Variants in SORCS2 observed in about 807,000 individuals in gnomAD.
SORCS2 encodes the protein VPS10 domain-containing receptor SorCS2.
Under a neutral mutation model 141.6 loss-of-function variants are expected in SORCS2, and 100 were observed. The observed-to-expected ratio is 0.71, with a 90% CI of 0.60 to 0.83. The LOEUF is 0.83. SORCS2 is among the 40% of genes least tolerant of loss of function. The pLI, the probability that SORCS2 is intolerant of heterozygous loss-of-function variation, is 0.00. For missense variants in SORCS2, 1,646 were observed against 1,560.2 expected, an observed-to-expected ratio of 1.05 and a Z score of -0.93; for synonymous variants, 789 against 676.9, an observed-to-expected ratio of 1.17 and a Z score of -2.57.
chr4:7,521,495 C>T (rs536250227), intron 2 of SORCS2, among the ~76,000 whole-genome samples: 6 of 152,212 alleles, frequency 3.9e-5, no homozygotes, highest in Non-Finnish European at 5.9e-5. Context: ...CCTTAGTTCC[C>T]TCTTCCTCTC....
At chr4:7,539,293 G>A (rs1712376972) in intron 3 of SORCS2, among the ~76,000 whole-genome samples, 1 of 152,170 alleles carries the variant, frequency 6.6e-6, no homozygotes, top group Admixed American at 6.5e-5. Context: ...AAGTTCTCTG[G>A]ACCTCATAGT....
In SORCS2 at chr4:7,459,079, G is replaced by A. The variant is rs138482608; in HGVS notation, c.548+62724G>A. On this transcript the variant is annotated intron_variant, in intron 2 of 26. Coordinates refer to ENST00000507866, the MANE Select transcript of SORCS2 (RefSeq NM_020777.3). ...GTCCTCCCCGATATTGCTCCCCTGG[G>A]CTGGGGGCACACTCTTCTGTGTGCG... Among the ~76,000 whole-genome samples, 604 of 150,146 alleles carry A rather than the reference G, an allele frequency of 4.0e-3. 3 individuals are homozygous for A. Among genetic ancestry groups the A allele is most frequent in the Admixed American group, 5.3e-3 (79 of 14,932 alleles).
intron 2 of SORCS2, among the ~76,000 whole-genome samples, chr4:7,492,633 A>G (rs1042055950): frequency 2.6e-5 from 4 of 152,234 alleles, no homozygotes; most frequent in African/African-American, 9.7e-5. Flanking sequence ...ACTATTTTCC[A>G]CAGTGGCTGT....
At chr4:7,726,049 TG>T (rs1727197635) in intron 20 of SORCS2, among the ~76,000 whole-genome samples, 1 of 152,176 alleles carries the variant, frequency 6.6e-6, no homozygotes, top group Admixed American at 6.5e-5. Flanking sequence ...TCCACACCCA[TG>T]GGGGTGGCCT....
At chr4:7,562,901 G>T (rs536139325) in intron 3 of SORCS2, among the ~76,000 whole-genome samples, 3 of 152,268 alleles carry the variant, frequency 2.0e-5, no homozygotes, top group African/African-American at 7.2e-5. Context: ...TGGATTTAGG[G>T]TCTAGCCTAT....
intron 2 of SORCS2, among the ~76,000 whole-genome samples, chr4:7,412,612 C>T (rs544868803): frequency 3.6e-4 from 55 of 152,186 alleles, no homozygotes; most frequent in Admixed American, 7.8e-4. Context: ...AGCTGAGAAT[C>T]GTCTCTCAGG....
rs545089902 is a variant in SORCS2 at position 7,575,649 on chromosome 4, C to T, written c.648+44020C>T. ...AATTGAAACTAGAATGGTAGTACCC[C>T]AGTCACACTTTGAAGGCTTGATGAC... On this transcript the variant is annotated intron_variant, in intron 3 of 26. Transcript: ENST00000507866. Among the ~76,000 whole-genome samples, 16 of 152,304 alleles carry T rather than the reference C, an allele frequency of 1.1e-4. No individual in the cohort carries two copies. In the South Asian group the frequency reaches 2.1e-3, roughly 20 times the overall value.
intron 2 of SORCS2, among the ~76,000 whole-genome samples, chr4:7,454,857 G>T (rs1728768844): frequency 1.4e-5 from 2 of 139,308 alleles, no homozygotes; most frequent in African/African-American, 5.4e-5. Flanking sequence ...CAGGTGCTGT[G>T]TTGGGGTCAG....
At chr4:7,209,645 G>C (rs569212337) in intron 1 of SORCS2, among the ~76,000 whole-genome samples, 4 of 151,898 alleles carry the variant, frequency 2.6e-5, no homozygotes, top group African/African-American at 9.7e-5. Flanking sequence ...AAGTGCAGGT[G>C]CTGATCTTTG....
At chr4:7,427,960 A>T (rs1007089021) in intron 2 of SORCS2, among the ~76,000 whole-genome samples, 1 of 151,372 alleles carries the variant, frequency 6.6e-6, no homozygotes, top group African/African-American at 2.4e-5. Context: ...GGGGGGATGG[A>T]GGTTGCACTG....
chr4:7,550,158 G>A (rs1489961575), intron 3 of SORCS2, among the ~76,000 whole-genome samples: 11 of 114,244 alleles, frequency 9.6e-5, no homozygotes, highest in African/African-American at 3.2e-4. Flanking sequence ...GTGTGTGTGT[G>A]TGTATTTCAA....
At chr4:7,655,160 CT>C (rs1283837161) in intron 5 of SORCS2, among the ~76,000 whole-genome samples, 1 of 151,940 alleles carries the variant, frequency 6.6e-6, no homozygotes, top group Non-Finnish European at 1.5e-5. Flanking sequence ...TACACCGCTC[CT>C]TGATGTGCTG....
At chr4:7,620,662 C>T (rs1719104510) in intron 3 of SORCS2, among the ~76,000 whole-genome samples, 1 of 152,240 alleles carries the variant, frequency 6.6e-6, no homozygotes. Context: ...ACACACACTC[C>T]ATGTCCCTGA....
At chr4:7,259,518 A>C (rs1714167855) in intron 1 of SORCS2, among the ~76,000 whole-genome samples, 1 of 152,198 alleles carries the variant, frequency 6.6e-6, no homozygotes, top group Admixed American at 6.5e-5. Context: ...TTTCCCTGGA[A>C]CAGGAGCTGT....
chr4:7,671,674 GA>G (rs1722805527), intron 8 of SORCS2, among the ~76,000 whole-genome samples: 1 of 152,132 alleles, frequency 6.6e-6, no homozygotes, highest in Non-Finnish European at 1.5e-5. Flanking sequence ...GGAGCAGAAA[GA>G]ATAAGGATTG....
chr4:7,288,815 C>G (rs1205075231), intron 1 of SORCS2, among the ~76,000 whole-genome samples: 1 of 150,186 alleles, frequency 6.7e-6, no homozygotes, highest in Admixed American at 6.6e-5. Flanking sequence ...GGGGAGGGCA[C>G]AGTTCAGTCT....
At chr4:7,559,117 G>T (rs1577747560) in intron 3 of SORCS2, among the ~76,000 whole-genome samples, 1 of 152,250 alleles carries the variant, frequency 6.6e-6, no homozygotes, top group East Asian at 1.9e-4. Flanking sequence ...CCGGGGAGGG[G>T]TTCCCTCTGC....
intron 1 of SORCS2, among the ~76,000 whole-genome samples, chr4:7,272,727 CCATCCGCGGCATTG>C (rs1416359023): frequency 3.3e-5 from 5 of 152,222 alleles, no homozygotes; most frequent in Non-Finnish European, 5.9e-5. Flanking sequence ...AGGAACAATA[CCATCCGCGGCATTG>C]CAGCCATCAA....
At chr4:7,656,379 A>G (rs1721779324) in intron 5 of SORCS2, among the ~76,000 whole-genome samples, 1 of 150,332 alleles carries the variant, frequency 6.7e-6, no homozygotes, top group Admixed American at 6.6e-5. Context: ...TCCTGCTTTG[A>G]ATACTGAGTG....
Sources: gnomAD v4.1 joint callset for allele counts (sites outside exome capture counted in the v4.1 genomes callset) on GRCh38, gnomAD v4.1.1 for gene constraint, MANE v1.5 for transcripts, NCBI Gene and HGNC (gene_info 2026-07-23, HGNC 2026-07-21) for gene names.